The following PATJ variants were observed in gnomAD, a reference collection of about 807,000 sequenced individuals.
The protein encoded by PATJ is inaD-like protein.
Under a neutral mutation model 224.9 loss-of-function variants are expected in PATJ, and 190 were observed. The observed-to-expected ratio is 0.84, with a 90% CI of 0.75 to 0.95. The LOEUF is 0.95. Ranked by LOEUF, PATJ falls within the 40% of genes least tolerant of loss-of-function variation. The pLI, the probability that PATJ is intolerant of heterozygous loss-of-function variation, is 0.00. For synonymous variants in PATJ, 769 were observed against 820.3 expected (o/e 0.94, Z 1.07); for missense variants, 2,121 against 2,270.3 (o/e 0.93, Z 1.34).
At chr1:61,787,222 G>C (rs966050406) in intron 7 of PATJ, among the ~76,000 whole-genome samples, 1 of 152,132 alleles carries the variant, frequency 6.6e-6, no homozygotes, top group African/African-American at 2.4e-5. Flanking sequence ...AACTCTGCTC[G>C]ATGCCTTCTC....
intron 28 of PATJ, among the ~76,000 whole-genome samples, chr1:61,996,395 T>A (rs776779473): frequency 1.9e-4 from 29 of 152,218 alleles, no homozygotes; most frequent in Non-Finnish European, 3.7e-4. Context: ...GCCAGTGAAT[T>A]GTTTTTGAAA....
chr1:61,782,435 A>T (rs1465786287), intron 7 of PATJ, among the ~76,000 whole-genome samples: 4 of 152,124 alleles, frequency 2.6e-5, no homozygotes, highest in South Asian at 4.1e-4. Context: ...TTGGCCATAC[A>T]CTTTGTCCAA....
chr1:61,876,849 T>C (rs1421029880), intron 21 of PATJ, among the ~76,000 whole-genome samples: 1 of 152,184 alleles, frequency 6.6e-6, no homozygotes, highest in Non-Finnish European at 1.5e-5. Flanking sequence ...TCTTGACCTT[T>C]TGGTTAATCC....
At chr1:61,884,085 A>C (rs1668470588) in intron 21 of PATJ, 152 bp from the exon 22 acceptor site, 1 of 451,564 alleles carries the variant, frequency 2.2e-6, no homozygotes, top group African/African-American at 2.0e-5. Context: ...TCATCATCTG[A>C]TATATTAAAG....
intron 5 of PATJ, among the ~76,000 whole-genome samples, chr1:61,770,678 A>G (rs1482274198): frequency 6.6e-6 from 1 of 152,124 alleles, no homozygotes; most frequent in Non-Finnish European, 1.5e-5. Flanking sequence ...TCAGTGTCTC[A>G]TGGCTGTAAT....
chr1:61,949,843 A>C (rs534651899), intron 27 of PATJ, among the ~76,000 whole-genome samples: 1 of 152,196 alleles, frequency 6.6e-6, no homozygotes, highest in Non-Finnish European at 1.5e-5. Context: ...CAGAGGCTGC[A>C]GTGAGCCAAG....
intron 27 of PATJ, among the ~76,000 whole-genome samples, chr1:61,966,062 C>T (rs55836142): frequency 2.9e-4 from 44 of 152,206 alleles, no homozygotes; most frequent in East Asian, 7.8e-4. Context: ...CCACCATGCC[C>T]GGCTAATTTT....
intron 17 of PATJ, among the ~76,000 whole-genome samples, 170 bp from the exon 18 acceptor site, chr1:61,855,860 C>T (rs1663572077): frequency 6.6e-6 from 1 of 152,156 alleles, no homozygotes; most frequent in Non-Finnish European, 1.5e-5. Flanking sequence ...CCATACTTGG[C>T]TTAGAGTGAG....
intron 15 of PATJ, among the ~76,000 whole-genome samples, chr1:61,826,023 A>T (rs1025654849): frequency 3.9e-5 from 6 of 152,200 alleles, no homozygotes; most frequent in African/African-American, 1.4e-4. Context: ...ATCCCAAGGA[A>T]AAACCTTTCA....
intron 17 of PATJ, among the ~76,000 whole-genome samples, chr1:61,850,528 G>C (rs539696096): frequency 3.3e-5 from 5 of 152,296 alleles, no homozygotes; most frequent in Admixed American, 2.0e-4. Context: ...ATGAACCTCT[G>C]GTGGCCAAGT....
At chr1:61,759,143 G>A (rs1645814037) in intron 1 of PATJ, among the ~76,000 whole-genome samples, 1 of 152,188 alleles carries the variant, frequency 6.6e-6, no homozygotes, top group African/African-American at 2.4e-5. Context: ...AACCCAGGAC[G>A]GCTTTGAATG....
At chr1:62,043,813 G>A (rs896653597) in intron 30 of PATJ, among the ~76,000 whole-genome samples, 10 of 151,676 alleles carry the variant, frequency 6.6e-5, no homozygotes, top group African/African-American at 2.2e-4. Flanking sequence ...CTGCATCCTC[G>A]ACCTCCCAGG....
intron 30 of PATJ, among the ~76,000 whole-genome samples, chr1:62,040,769 G>T (rs1293006489): frequency 1.3e-5 from 2 of 152,122 alleles, no homozygotes; most frequent in Non-Finnish European, 2.9e-5. Flanking sequence ...CCACTGGAAG[G>T]ATTTAAACAG....
chr1:61,913,209 G>GT (rs560774104), intron 25 of PATJ, among the ~76,000 whole-genome samples: 45 of 151,196 alleles, frequency 3.0e-4, no homozygotes, highest in East Asian at 1.8e-3. Flanking sequence ...TGAGCAAGGA[G>GT]TTTTTTTTTG....
intron 40 of PATJ, 139 bp downstream of exon 40, chr1:62,128,233 A>G: frequency 1.3e-6 from 1 of 743,258 alleles, no homozygotes; most frequent in Non-Finnish European, 2.2e-6. Context: ...CATTAGATAA[A>G]CTTGATACCT....
At chr1:62,059,213 CT>C (rs918901419) in intron 31 of PATJ, among the ~76,000 whole-genome samples, 3 of 152,006 alleles carry the variant, frequency 2.0e-5, no homozygotes, top group Non-Finnish European at 4.4e-5. Flanking sequence ...GGCAGAGGGC[CT>C]TGTGGACCAG....
chr1:62,064,791 C>G (rs1388253495), intron 31 of PATJ, among the ~76,000 whole-genome samples: 1 of 152,192 alleles, frequency 6.6e-6, no homozygotes, highest in Non-Finnish European at 1.5e-5. Flanking sequence ...TGCTTAAAAT[C>G]AATTTTTACC....
chr1:61,766,188 A>G (rs895563944), intron 3 of PATJ, 91 bp from the exon 4 acceptor site: 5 of 817,096 alleles, frequency 6.1e-6, no homozygotes, highest in Non-Finnish European at 9.4e-6. Flanking sequence ...TTTAATGTGC[A>G]AAGTATCTAT....
rs576706173 is a variant in PATJ, at chr1:62,158,199, G to A, written c.5503-2709G>A. 1.2e-4 allele frequency among the ~76,000 whole-genome samples: 18 copies of A among 149,636 alleles called. 1 individual carries two copies. The highest frequency in any genetic ancestry group is 4.3e-4 in the African/African-American group (18 of 41,392). On this transcript the variant is annotated intron_variant, in intron 43 of 43. Transcript: ENST00000642238. ...TTACAAAGTAGGTAGAGGTTTTCAA[G>A]CCATGCATTTATTTCTTTTTTACCT...
Sources: gnomAD v4.1 joint callset for allele counts (sites outside exome capture counted in the v4.1 genomes callset) on GRCh38, gnomAD v4.1.1 for gene constraint, MANE v1.5 for transcripts, NCBI Gene and HGNC (gene_info 2026-07-23, HGNC 2026-07-21) for gene names.